CELF2: variants seen among roughly 807,000 people sequenced by gnomAD.
CELF2 encodes the protein CUGBP Elav-like family member 2.
A neutral mutation model predicts 62.6 loss-of-function variants in CELF2; 8 were observed. The observed-to-expected ratio is 0.13, with a 90% CI of 0.07 to 0.23. The LOEUF (loss-of-function observed/expected upper bound fraction) is 0.23. CELF2 is among the 10% of genes least tolerant of loss of function. The pLI is 1.00. For synonymous variants in CELF2, 258 were observed against 250.0 expected (o/e 1.03, Z -0.30); for missense variants, 333 against 671.0 (o/e 0.50, Z 5.56).
rs565114376 is a variant in CELF2, at chr10:11,250,179, T to C, written c.403+978T>C. On this transcript the variant is annotated intron_variant, in intron 4 of 12. Transcript: ENST00000633077. ...TTGAAGAAAATTCCAAGTCATAGCA[T>C]GGTGCTGCCAGCACCCGACTTGTCA... is the stretch of plus-strand genomic sequence containing the variant. Among the ~76,000 whole-genome samples the C allele has an allele frequency of 2.0e-5, 3 of 152,358 alleles. No homozygotes were observed. In the South Asian group the frequency reaches 6.2e-4, roughly 32 times the overall value.
the CELF2 span, among the ~76,000 whole-genome samples, chr10:10,650,821 T>C: frequency 6.6e-6 from 1 of 152,130 alleles, no homozygotes; most frequent in Admixed American, 6.5e-5. Context: ...GCGATTCCAC[T>C]CCTAGGTATG....
the CELF2 span, among the ~76,000 whole-genome samples, chr10:10,730,535 C>T: frequency 6.6e-6 from 1 of 152,136 alleles, no homozygotes; most frequent in Non-Finnish European, 1.5e-5. Flanking sequence ...TAGCATGTAG[C>T]ACTGTAACTT....
rs992434611 is a variant in CELF2, at chr10:11,285,537, C to T, written c.842-2881C>T. Among the ~76,000 whole-genome samples, 5 of 152,210 alleles carry T rather than the reference C, an allele frequency of 3.3e-5. No homozygotes were observed. The highest frequency in any genetic ancestry group is 1.2e-4 in the African/African-American group (5 of 41,450). On this transcript the variant is annotated intron_variant, in intron 8 of 12. Transcript: ENST00000633077. The surrounding 1 kb of genome is among the most constrained non-coding windows in gnomAD (Gnocchi z 4.3). ...GCGGGCAGTGGAGAGAACCTGAGTG[C>T]TGTCAGCTCAGTTCCAGGACCTTTA...
At chr10:10,944,751 A>G (rs980639888) in intron 2 of CELF2, among the ~76,000 whole-genome samples, 1 of 151,922 alleles carries the variant, frequency 6.6e-6, no homozygotes, top group Admixed American at 6.6e-5. Context: ...ACAGGTGTGC[A>G]CCACCACACC....
In CELF2 at chr10:11,226,845, AG is replaced by A. The variant is rs565653456; in HGVS notation, c.354+9340del. On this transcript the variant is annotated intron_variant, in intron 3 of 12. Transcript: ENST00000633077. ...GATCAAAGACAGTCATCACTGTAAG[AG>A]GTACTGCTTTGCGAAAGTGATTATA... Among the ~76,000 whole-genome samples, 730 of 152,304 alleles carry A rather than the reference AG, an allele frequency of 4.8e-3. 4 individuals are homozygous for A. Among genetic ancestry groups the A allele is most frequent in the Middle Eastern group, 0.01 (3 of 294 alleles).
At chr10:10,635,305 T>G in the CELF2 span, among the ~76,000 whole-genome samples, 1 of 152,328 alleles carries the variant, frequency 6.6e-6, no homozygotes, top group South Asian at 2.1e-4. Context: ...TCTCACTTCC[T>G]GCAAAAAGAA....
chr10:11,263,904 T>C (rs1208808650), intron 5 of CELF2, among the ~76,000 whole-genome samples: 2 of 152,228 alleles, frequency 1.3e-5, no homozygotes, highest in Non-Finnish European at 2.9e-5. Context: ...GTTGCTTGAC[T>C]TCATCCCGAG....
intron 1 of CELF2, among the ~76,000 whole-genome samples, chr10:11,139,870 C>T (rs924211914): frequency 6.6e-5 from 10 of 151,838 alleles, no homozygotes; most frequent in African/African-American, 2.4e-4. Flanking sequence ...GCAAACACCC[C>T]CTCAGGTCAT....
the CELF2 span, among the ~76,000 whole-genome samples, chr10:10,774,594 C>G: frequency 6.6e-6 from 1 of 152,210 alleles, no homozygotes; most frequent in Non-Finnish European, 1.5e-5. Flanking sequence ...CCCTTGCCTT[C>G]CGCGATGACT....
intron 1 of CELF2, among the ~76,000 whole-genome samples, chr10:11,149,843 C>T (rs911453089): frequency 2.2e-4 from 34 of 152,128 alleles, no homozygotes; most frequent in African/African-American, 6.5e-4. Flanking sequence ...GCATCGACCC[C>T]GATGGAAATA....
chr10:11,040,120 G>C (rs1032301897), intron 1 of CELF2, among the ~76,000 whole-genome samples: 1 of 152,134 alleles, frequency 6.6e-6, no homozygotes, highest in Non-Finnish European at 1.5e-5. Flanking sequence ...GATAAGGGAA[G>C]GTAGGACAGG....
chr10:11,120,243 G>A (rs757277879), intron 1 of CELF2, among the ~76,000 whole-genome samples: 3 of 152,006 alleles, frequency 2.0e-5, no homozygotes, highest in African/African-American at 4.8e-5. Context: ...TTTACACATC[G>A]GTGCAGAAAA....
intron 1 of CELF2, among the ~76,000 whole-genome samples, chr10:10,869,112 G>A (rs192152996): frequency 1.3e-5 from 2 of 152,134 alleles, no homozygotes; most frequent in Admixed American, 1.3e-4. Flanking sequence ...ATAGTAACAT[G>A]ATGTAATAAA....
At chr10:11,103,847 T>C (rs1441338890) in intron 1 of CELF2, among the ~76,000 whole-genome samples, 2 of 152,178 alleles carry the variant, frequency 1.3e-5, no homozygotes, top group African/African-American at 4.8e-5. Flanking sequence ...TAGAAACTCT[T>C]CTGAGACATG....
intron 1 of CELF2, among the ~76,000 whole-genome samples, chr10:10,879,080 A>G (rs2061286792): frequency 6.6e-6 from 1 of 152,178 alleles, no homozygotes; most frequent in Non-Finnish European, 1.5e-5. Flanking sequence ...AACTGGGATG[A>G]TTGTACTCAC....
chr10:10,489,337 T>A, the CELF2 span, among the ~76,000 whole-genome samples: 39 of 152,228 alleles, frequency 2.6e-4, no homozygotes, highest in African/African-American at 8.9e-4. Flanking sequence ...AAATTGTAAC[T>A]GGAACAGTGC....
intron 10 of CELF2, among the ~76,000 whole-genome samples, chr10:11,320,111 C>T (rs141790973): frequency 2.1e-3 from 315 of 152,254 alleles, no homozygotes; most frequent in African/African-American, 7.2e-3. Context: ...GAACTGTGAT[C>T]ATAAAGGGAC....
At chr10:10,974,747 C>T (rs746475345) in intron 2 of CELF2, among the ~76,000 whole-genome samples, 1 of 152,146 alleles carries the variant, frequency 6.6e-6, no homozygotes, top group African/African-American at 2.4e-5. Context: ...ACTATGGTAT[C>T]GAAATTAAGT....
chr10:11,163,550 C>T (rs1405222378), intron 1 of CELF2, among the ~76,000 whole-genome samples: 1 of 152,140 alleles, frequency 6.6e-6, no homozygotes, highest in Non-Finnish European at 1.5e-5. Context: ...CAATCTGGCT[C>T]TAATATAAAC....
Sources: gnomAD v4.1 joint callset for allele counts (sites outside exome capture counted in the v4.1 genomes callset) on GRCh38, gnomAD v4.1.1 for gene constraint, Gnocchi (gnomAD v3.1) non-coding constraint, MANE v1.5 for transcripts, NCBI Gene and HGNC (gene_info 2026-07-23, HGNC 2026-07-21) for gene names.